The following WDR64 variants were observed in gnomAD, a reference collection of about 807,000 sequenced individuals.
WDR64 encodes WD repeat domain 64.
In WDR64, 112 loss-of-function variants were observed where a neutral mutation model predicts 139.3. The ratio of observed to expected loss-of-function variants is 0.80; its 90% CI spans 0.69 to 0.94. The LOEUF is 0.94. WDR64 is among the 40% of genes least tolerant of loss of function. The pLI is 0.00. For synonymous variants in WDR64, 444 were observed against 437.7 expected, an observed-to-expected ratio of 1.01 and a Z score of -0.18; for missense variants, 1,206 against 1,293.1, an observed-to-expected ratio of 0.93 and a Z score of 1.03.
Position 241,801,938 on chromosome 1 carries a change from T to C in WDR64, c.*723T>C. The C allele has an allele frequency of 2.5e-6, 1 of 397,966 alleles. No individual in the cohort carries two copies. Among genetic ancestry groups the C allele is most frequent in the East Asian group, 3.6e-5 (1 of 27,932 alleles). The allele number at this position is 397,966 out of a possible 1,614,324, so 24.7% of individuals were successfully genotyped here. A position where few individuals can be genotyped will look rare whatever the true frequency, so the allele number is the denominator to read the frequency against. ...ATGGATTAAAAAAACAAAATCCAAC[T>C]ATATGTTGTTTACAAGAAACACATC... On this transcript the variant is annotated 3_prime_UTR_variant, in exon 28 of 28. Coordinates refer to ENST00000437684, the MANE Select transcript of WDR64 (RefSeq NM_001367482.1).
chr1:241,765,461 G>A (rs1658110512), intron 15 of WDR64, among the ~76,000 whole-genome samples: 1 of 152,088 alleles, frequency 6.6e-6, no homozygotes, highest in Admixed American at 6.6e-5. Context: ...GTACCAAGTA[G>A]GAAACAGAAA....
chr1:241,784,012 G>A (rs2148319698), intron 23 of WDR64, among the ~76,000 whole-genome samples: 1 of 152,330 alleles, frequency 6.6e-6, no homozygotes, highest in East Asian at 1.9e-4. Flanking sequence ...GAGAGGTAGA[G>A]AGGCTTTGAA....
intron 8 of WDR64, among the ~76,000 whole-genome samples, chr1:241,690,794 A>G (rs373129060): frequency 1.3e-5 from 2 of 152,294 alleles, no homozygotes; most frequent in East Asian, 1.9e-4. Context: ...GCATCTATAT[A>G]AAGAAAAGAA....
chr1:241,742,188 A>G (rs1365393161), intron 12 of WDR64, among the ~76,000 whole-genome samples: 1 of 152,226 alleles, frequency 6.6e-6, no homozygotes, highest in Non-Finnish European at 1.5e-5. Flanking sequence ...TGGCATAAGC[A>G]TGACGGCTGG....
intron 2 of WDR64, among the ~76,000 whole-genome samples, chr1:241,668,779 C>G (rs376906630): frequency 6.6e-6 from 1 of 151,920 alleles, no homozygotes; most frequent in Non-Finnish European, 1.5e-5. Flanking sequence ...CATGATGGCA[C>G]AGGCCTATGG....
chr1:241,687,697 A>C, intron 8 of WDR64, 102 bp downstream of exon 8: 1 of 1,212,780 alleles, frequency 8.2e-7, no homozygotes, highest in Non-Finnish European at 1.1e-6. Flanking sequence ...GCTTTAAAAA[A>C]ATCGGACATT....
chr1:241,793,076 C>G (rs79018918), intron 25 of WDR64, among the ~76,000 whole-genome samples: 344 of 152,288 alleles, frequency 2.3e-3, no homozygotes, highest in African/African-American at 7.7e-3. Flanking sequence ...AAACGCTCAT[C>G]TACAGGAATG....
chr1:241,750,538 A>G (rs538302800), intron 14 of WDR64, among the ~76,000 whole-genome samples: 14 of 152,210 alleles, frequency 9.2e-5, no homozygotes, highest in Non-Finnish European at 1.9e-4. Context: ...TAGTAATAAT[A>G]CACTCTACAA....
At chr1:241,725,454 A>G (rs1574044745) in intron 10 of WDR64, among the ~76,000 whole-genome samples, 1 of 148,198 alleles carries the variant, frequency 6.7e-6, no homozygotes, top group African/African-American at 2.5e-5. Context: ...CCCCTCATAC[A>G]CCCTCTACCC....
At chr1:241,790,478 T>C (rs1659182956) in intron 24 of WDR64, 113 bp from the exon 25 acceptor site, 2 of 823,294 alleles carry the variant, frequency 2.4e-6, no homozygotes, top group Admixed American at 2.5e-5. Context: ...TTGGGACTGA[T>C]GCCATAGGAA....
chr1:241,757,181 A>G, intron 14 of WDR64, 102 bp from the exon 15 acceptor site: 4 of 1,052,082 alleles, frequency 3.8e-6, no homozygotes, highest in Non-Finnish European at 4.0e-6. Context: ...GTAAAGCTAG[A>G]TGGTAGATAC....
chr1:241,773,409 A>G (rs1239866526), intron 20 of WDR64, among the ~76,000 whole-genome samples: 1 of 152,222 alleles, frequency 6.6e-6, no homozygotes, highest in African/African-American at 2.4e-5. Context: ...AAGATTTACT[A>G]GAAAAATCTA....
rs532852616 is a variant in WDR64 at position 241,790,207 on chromosome 1, C to T, written c.2892-384C>T. On this transcript the variant is annotated intron_variant, in intron 24 of 27. Coordinates refer to ENST00000437684, the MANE Select transcript of WDR64 (RefSeq NM_001367482.1). ...CTTTACTAAAAATATAAAAATTAGC[C>T]GGGCGTGGTGACGTGCACCTGTAAT... 1.2e-4 allele frequency among the ~76,000 whole-genome samples: 19 copies of T among 152,144 alleles called. No homozygotes were observed. The East Asian group carries it at 1.4e-3, about 11-fold the overall frequency.
intron 22 of WDR64, among the ~76,000 whole-genome samples, chr1:241,781,871 T>G (rs1278638532): frequency 6.6e-6 from 1 of 152,274 alleles, no homozygotes; most frequent in Non-Finnish European, 1.5e-5. Flanking sequence ...TATATGTATA[T>G]GTTCATGGAG....
intron 27 of WDR64, among the ~76,000 whole-genome samples, chr1:241,799,303 G>C (rs9428893): frequency 2.0e-5 from 3 of 149,338 alleles, no homozygotes; most frequent in Non-Finnish European, 4.4e-5. Context: ...CTTGAGCCTG[G>C]AAAGTGGACG....
chr1:241,794,313 G>C (rs1256446518), intron 25 of WDR64, among the ~76,000 whole-genome samples: 1 of 151,924 alleles, frequency 6.6e-6, no homozygotes, highest in African/African-American at 2.4e-5. Context: ...TTGTTGAATA[G>C]GACTAAAATA....
intron 21 of WDR64, among the ~76,000 whole-genome samples, chr1:241,776,312 C>T (rs1272247596): frequency 2.6e-5 from 4 of 152,088 alleles, no homozygotes; most frequent in African/African-American, 9.7e-5. Flanking sequence ...CTCCTGACCT[C>T]GTGTGATCTG....
chr1:241,701,986 C>A (rs1667730386), intron 8 of WDR64, among the ~76,000 whole-genome samples: 2 of 152,140 alleles, frequency 1.3e-5, no homozygotes, highest in Non-Finnish European at 2.9e-5. Flanking sequence ...AAAATCCTCT[C>A]AAAAAAATTT....
intron 21 of WDR64, among the ~76,000 whole-genome samples, chr1:241,778,974 A>G (rs1658754977): frequency 6.6e-6 from 1 of 152,090 alleles, no homozygotes; most frequent in Non-Finnish European, 1.5e-5. Context: ...TAGTTTCCTT[A>G]TGTAGATATG....
Sources: gnomAD v4.1 joint callset for allele counts (sites outside exome capture counted in the v4.1 genomes callset) on GRCh38, gnomAD v4.1.1 for gene constraint, MANE v1.5 for transcripts, NCBI Gene and HGNC (gene_info 2026-07-23, HGNC 2026-07-21) for gene names.